Variants in ZNF469 observed in about 807,000 individuals in gnomAD.
ZNF469 encodes zinc finger protein 469.
In ZNF469, 1 loss-of-function variant was observed where a neutral mutation model predicts 1.0. That is an observed-to-expected ratio of 1.00 (90% CI 0.35 to 4.73). ZNF469 has a LOEUF of 4.73. ZNF469 is among the 30% of genes most tolerant of loss of function. ZNF469 has a pLI of 0.16. For missense variants in ZNF469, 6,100 were observed against 5,356.3 expected, an observed-to-expected ratio of 1.14 and a Z score of -4.33; for synonymous variants, 2,703 against 2,363.4, an observed-to-expected ratio of 1.14 and a Z score of -4.17.
At chr16:88,318,708 G>A in the ZNF469 span, among the ~76,000 whole-genome samples, 1 of 152,244 alleles carries the variant, frequency 6.6e-6, no homozygotes, top group East Asian at 1.9e-4. Context: ...TGGCTGCTCT[G>A]CCAAGGGAGG....
chr16:88,391,733 C>T (rs978794088), intron 1 of ZNF469, among the ~76,000 whole-genome samples: 3 of 152,196 alleles, frequency 2.0e-5, no homozygotes, highest in Non-Finnish European at 2.9e-5. Context: ...AGGCTTATGG[C>T]GGCCACATCT....
the ZNF469 span, among the ~76,000 whole-genome samples, chr16:88,279,944 T>G: frequency 1.1e-4 from 16 of 150,288 alleles, no homozygotes; most frequent in African/African-American, 2.7e-4. Context: ...CAGTGCACGG[T>G]TAGTGCTGCG....
At chr16:88,137,625 C>T in the ZNF469 span, among the ~76,000 whole-genome samples, 23 of 150,862 alleles carry the variant, frequency 1.5e-4, no homozygotes, top group Non-Finnish European at 2.5e-4. Flanking sequence ...CATACCACCA[C>T]GGTGTGTGCA....
chr16:88,289,852 A>G, the ZNF469 span, among the ~76,000 whole-genome samples: 1 of 152,168 alleles, frequency 6.6e-6, no homozygotes, highest in Non-Finnish European at 1.5e-5. Flanking sequence ...TGTCTGTTGT[A>G]TGTTTGTGGA....
At chr16:88,147,337 G>A in the ZNF469 span, among the ~76,000 whole-genome samples, 3 of 152,146 alleles carry the variant, frequency 2.0e-5, no homozygotes, top group African/African-American at 4.8e-5. Context: ...GTCCCACGTC[G>A]ACCTCTGACC....
the ZNF469 span, among the ~76,000 whole-genome samples, chr16:88,116,843 G>A: frequency 1.3e-5 from 2 of 152,164 alleles, no homozygotes; most frequent in Admixed American, 6.6e-5. Flanking sequence ...GGGGCCGCAG[G>A]GGGGCAGCTG....
the ZNF469 span, among the ~76,000 whole-genome samples, chr16:88,164,826 C>G: frequency 2.0e-5 from 3 of 152,172 alleles, no homozygotes; most frequent in African/African-American, 7.2e-5. Context: ...TCCCCTGTGA[C>G]TGAATAGTGC....
the ZNF469 span, among the ~76,000 whole-genome samples, chr16:88,200,083 C>T: frequency 9.2e-5 from 14 of 152,026 alleles, no homozygotes; most frequent in South Asian, 8.3e-4. Context: ...GGTCGTGCCC[C>T]GGGGGGAGGA....
intron 1 of ZNF469, among the ~76,000 whole-genome samples, chr16:88,400,097 C>T (rs1398469716): frequency 6.6e-6 from 1 of 152,218 alleles, no homozygotes; most frequent in Non-Finnish European, 1.5e-5. Context: ...CCGGGCCAGC[C>T]GTTCATCAGC....
chr16:88,381,983 G>T (rs368082616), upstream of ZNF469, among the ~76,000 whole-genome samples: 1 of 152,260 alleles, frequency 6.6e-6, no homozygotes, highest in African/African-American at 2.4e-5. Flanking sequence ...CGTAAGTAAA[G>T]CGTGCTTGAC....
chr16:88,433,772 A>G lies in ZNF469; in HGVS notation c.6302A>G (p.Asp2101Gly). The G allele has an allele frequency of 6.5e-7, 1 of 1,549,560 alleles. No individual in the cohort carries two copies. Among genetic ancestry groups the G allele is most frequent in the Non-Finnish European group, 8.7e-7 (1 of 1,146,862 alleles). Residue 2101 changes from aspartate to glycine, a missense_variant, in exon 3 of 3, where the codon GAT becomes GGT. Asp to Gly is a moderately conservative substitution (Grantham distance 94, BLOSUM62 -1). Coordinates refer to ENST00000565624, the MANE Select transcript of ZNF469 (RefSeq NM_001367624.2). ...AACAAGCCACTGCTGGCCACAGGGGATAGCCCAGCACCCTCTGTCGGGGAC... is the reference window on the plus strand; with the variant it reads ...AACAAGCCACTGCTGGCCACAGGGGGTAGCCCAGCACCCTCTGTCGGGGAC... ...GLNKPLLATG[D>G]SPAPSVGDLA...
the ZNF469 span, among the ~76,000 whole-genome samples, chr16:88,119,299 C>G: frequency 3.7e-4 from 56 of 152,352 alleles, no homozygotes; most frequent in African/African-American, 1.3e-3. Flanking sequence ...ATCTCCCTCC[C>G]TCGCTTCATC....
the ZNF469 span, among the ~76,000 whole-genome samples, chr16:88,112,636 T>G: frequency 9.8e-5 from 15 of 152,316 alleles, no homozygotes; most frequent in African/African-American, 2.9e-4. Context: ...ATGATTAGAT[T>G]CTTTCCTATA....
chr16:88,405,726 G>A (rs897692411), intron 1 of ZNF469, among the ~76,000 whole-genome samples: 7 of 152,160 alleles, frequency 4.6e-5, no homozygotes, highest in Non-Finnish European at 8.8e-5. Flanking sequence ...GCAGGCTCCC[G>A]GCACTCCAAG....
chr16:88,431,253 T>A lies in ZNF469; in HGVS notation c.3783T>A (p.Gly1261=). The A allele has an allele frequency of 6.5e-7, 1 of 1,550,286 alleles. No individual in the cohort carries two copies. Among genetic ancestry groups the A allele is most frequent in the Non-Finnish European group, 8.7e-7 (1 of 1,146,948 alleles). ...ACAGEMGASP[G]LLIPEQPPPS... ...CGGGAGAAATGGGAGCAAGCCCCGG[T>A]CTCCTGATACCAGAGCAGCCGCCGC... Residue 1261 remains glycine (G), a synonymous_variant, in exon 3 of 3, where the codon GGT becomes GGA. Transcript: ENST00000565624.
the ZNF469 span, among the ~76,000 whole-genome samples, chr16:88,272,292 T>G: frequency 2.0e-5 from 1 of 50,654 alleles, no homozygotes; most frequent in African/African-American, 7.2e-5. Context: ...GGTGGATGGA[T>G]GGGTGGGTGG....
chr16:88,146,803 C>T, the ZNF469 span, among the ~76,000 whole-genome samples: 3,582 of 152,116 alleles, frequency 0.024, 158 homozygotes, highest in African/African-American at 0.081. Flanking sequence ...AGGGCACTCA[C>T]GGGGCTTCCA....
At chr16:88,369,159 T>C in the ZNF469 span, among the ~76,000 whole-genome samples, 2 of 151,574 alleles carry the variant, frequency 1.3e-5, no homozygotes, top group Non-Finnish European at 2.9e-5. Context: ...GGCGCCATCC[T>C]GAGATGGTGG....
At chr16:88,203,833 T>C in the ZNF469 span, among the ~76,000 whole-genome samples, 2 of 152,246 alleles carry the variant, frequency 1.3e-5, no homozygotes, top group South Asian at 4.1e-4. Flanking sequence ...TCTTGACTAA[T>C]TACATCTGCA....
Sources: gnomAD v4.1 joint callset for allele counts (sites outside exome capture counted in the v4.1 genomes callset) on GRCh38, gnomAD v4.1.1 for gene constraint, MANE v1.5 for transcripts, NCBI Gene and HGNC (gene_info 2026-07-23, HGNC 2026-07-21) for gene names.